Variants in BLTP3A observed in about 807,000 individuals in gnomAD.
BLTP3A encodes the protein ICBP90 binding protein 1.
chr6:34,838,585 A>T, the BLTP3A span, among the ~76,000 whole-genome samples: 3 of 152,204 alleles, frequency 2.0e-5, no homozygotes, highest in African/African-American at 7.2e-5. Flanking sequence ...GCTACCTTAT[A>T]TCCAGACCTC....
chr6:34,810,669 A>G, the BLTP3A span, among the ~76,000 whole-genome samples: 3 of 152,034 alleles, frequency 2.0e-5, no homozygotes, highest in Non-Finnish European at 4.4e-5. Context: ...GGGTCTCACT[A>G]TGTTGCCCAG....
the BLTP3A span, among the ~76,000 whole-genome samples, chr6:34,833,763 C>T: frequency 2.0e-5 from 3 of 151,756 alleles, no homozygotes; most frequent in Admixed American, 2.0e-4. Flanking sequence ...CCCGTCTCTA[C>T]TAAAAATACA....
At chr6:34,817,755 G>C in the BLTP3A span, among the ~76,000 whole-genome samples, 1 of 152,072 alleles carries the variant, frequency 6.6e-6, no homozygotes, top group Non-Finnish European at 1.5e-5. Context: ...TTTCATTACT[G>C]AAAGCTGTCC....
At chr6:34,833,350 T>C in the BLTP3A span, among the ~76,000 whole-genome samples, 1 of 152,098 alleles carries the variant, frequency 6.6e-6, no homozygotes, top group Non-Finnish European at 1.5e-5. Flanking sequence ...GAACCTCTTA[T>C]TCACCTGACT....
At chr6:34,817,927 C>T in the BLTP3A span, among the ~76,000 whole-genome samples, 1 of 151,204 alleles carries the variant, frequency 6.6e-6, no homozygotes, top group Non-Finnish European at 1.5e-5. Context: ...TATCTGGGCT[C>T]ACTGCAAGCT....
chr6:34,797,080 G>A, the BLTP3A span, among the ~76,000 whole-genome samples: 1 of 152,100 alleles, frequency 6.6e-6, no homozygotes, highest in African/African-American at 2.4e-5. Flanking sequence ...TGGCGCATTG[G>A]GGATAAAGTT....
chr6:34,836,106 A>C, the BLTP3A span: 2 of 1,579,692 alleles, frequency 1.3e-6, no homozygotes, highest in Non-Finnish European at 1.7e-6. Context: ...AAGCCTACAA[A>C]GGATCTTTTC....
chr6:34,804,479 G>A, the BLTP3A span, among the ~76,000 whole-genome samples: 1 of 152,158 alleles, frequency 6.6e-6, no homozygotes, highest in Admixed American at 6.6e-5. Context: ...GAGCTGGGGG[G>A]TTGGAGTGGG....
the BLTP3A span, chr6:34,792,408 G>C: frequency 3.3e-5 from 37 of 1,117,380 alleles, no homozygotes; most frequent in Non-Finnish European, 4.3e-5. Flanking sequence ...CCGGAGCCCG[G>C]ACTCCGTGGC....
chr6:34,829,791 C>T, the BLTP3A span, among the ~76,000 whole-genome samples: 1 of 151,992 alleles, frequency 6.6e-6, no homozygotes, highest in South Asian at 2.1e-4. Context: ...TGTGCCACTG[C>T]TACCATACCT....
chr6:34,834,508 T>TC, the BLTP3A span: 1 of 1,496,828 alleles, frequency 6.7e-7, no homozygotes, highest in East Asian at 2.3e-5. Context: ...CCTCAAATGT[T>TC]CCCCATTCCT....
chr6:34,821,731 G>A, the BLTP3A span: 1 of 1,614,164 alleles, frequency 6.2e-7, no homozygotes, highest in South Asian at 1.1e-5. Flanking sequence ...ACCTGGAGCT[G>A]GATGAAGAGG....
At chr6:34,815,438 T>C in the BLTP3A span, among the ~76,000 whole-genome samples, 1 of 151,872 alleles carries the variant, frequency 6.6e-6, no homozygotes, top group African/African-American at 2.4e-5. Flanking sequence ...TTAGTACAGA[T>C]GGAGGTTCTC....
chr6:34,828,604 T>C, the BLTP3A span, among the ~76,000 whole-genome samples: 2 of 152,156 alleles, frequency 1.3e-5, no homozygotes, highest in Non-Finnish European at 2.9e-5. Context: ...TCTCTGTTGA[T>C]GGATATTTGG....
the BLTP3A span, among the ~76,000 whole-genome samples, chr6:34,837,226 C>T: frequency 6.6e-6 from 1 of 152,104 alleles, no homozygotes; most frequent in Non-Finnish European, 1.5e-5. Flanking sequence ...TCTCTAAAGG[C>T]TTTGTTTACC....
chr6:34,793,764 A>G, the BLTP3A span, among the ~76,000 whole-genome samples: 324 of 152,304 alleles, frequency 2.1e-3, no homozygotes, highest in Non-Finnish European at 4.2e-3. Flanking sequence ...AATGGAACAG[A>G]TAACTTAACC....
chr6:34,798,594 C>CTTTTTTTTTTT, the BLTP3A span, among the ~76,000 whole-genome samples: 91 of 94,464 alleles, frequency 9.6e-4, 4 homozygotes, highest in African/African-American at 3.5e-3. Flanking sequence ...TTCTTTCTTT[C>CTTTTTTTTTTT]TTTTTTTTTT....
the BLTP3A span, chr6:34,870,931 C>T: frequency 6.2e-7 from 1 of 1,614,196 alleles, no homozygotes; most frequent in South Asian, 1.1e-5. Context: ...TGAGGTGGGG[C>T]CTGGAGCAGC....
the BLTP3A span, among the ~76,000 whole-genome samples, chr6:34,847,497 A>G: frequency 1.3e-5 from 2 of 151,996 alleles, no homozygotes; most frequent in Admixed American, 6.6e-5. Context: ...GTTATTATCT[A>G]TTCGGGTTTT....
Sources: gnomAD v4.1 joint callset for allele counts (sites outside exome capture counted in the v4.1 genomes callset) on GRCh38, gnomAD v4.1.1 for gene constraint, MANE v1.5 for transcripts, NCBI Gene and HGNC (gene_info 2026-07-23, HGNC 2026-07-21) for gene names.